Variants in EPHA5 observed in about 807,000 individuals in gnomAD.
EPHA5 encodes EPH receptor A5.
In EPHA5, 60 loss-of-function variants were observed where a neutral mutation model predicts 105.0. That is an observed-to-expected ratio of 0.57 (90% CI 0.46 to 0.71). The LOEUF is 0.71. Among genes scored for constraint, EPHA5 ranks in the 30% least tolerant of loss-of-function variants. The pLI, the probability that EPHA5 is intolerant of heterozygous loss-of-function variation, is 0.00. For synonymous variants in EPHA5, 513 were observed against 449.1 expected (o/e 1.14, Z -1.80); for missense variants, 1,218 against 1,274.7 (o/e 0.96, Z 0.68).
intron 11 of EPHA5, among the ~76,000 whole-genome samples, chr4:65,364,465 T>A (rs1348871755): frequency 6.6e-6 from 1 of 151,656 alleles, no homozygotes; most frequent in Non-Finnish European, 1.5e-5. Context: ...ATTCTAGATA[T>A]TTTTGAGAAA....
At chr4:65,586,891 A>T (rs1742176249) in intron 3 of EPHA5, among the ~76,000 whole-genome samples, 1 of 152,160 alleles carries the variant, frequency 6.6e-6, no homozygotes, top group Admixed American at 6.6e-5. Context: ...TTTCTAAAAC[A>T]GTTCTGTTCT....
chr4:65,592,361 G>T (rs1291526019), intron 3 of EPHA5, among the ~76,000 whole-genome samples: 1 of 152,054 alleles, frequency 6.6e-6, no homozygotes, highest in African/African-American at 2.4e-5. Flanking sequence ...AGTGGGATGA[G>T]GCAGGCTCTG....
At chr4:65,604,861 A>T (rs1002153589) in intron 2 of EPHA5, among the ~76,000 whole-genome samples, 4 of 152,188 alleles carry the variant, frequency 2.6e-5, no homozygotes, top group African/African-American at 9.7e-5. Context: ...AAAGGCACAG[A>T]TAGGAATCAA....
At chr4:65,640,513 C>T (rs1170465997) in intron 2 of EPHA5, among the ~76,000 whole-genome samples, 1 of 151,910 alleles carries the variant, frequency 6.6e-6, no homozygotes, top group African/African-American at 2.4e-5. Context: ...GTCTCGATCT[C>T]CTGACCTCGT....
intron 1 of EPHA5, among the ~76,000 whole-genome samples, chr4:65,644,318 A>C (rs1296535624): frequency 6.6e-6 from 1 of 151,978 alleles, no homozygotes; most frequent in African/African-American, 2.4e-5. Context: ...GTCTAGTCAA[A>C]ATACTTTAGC....
At position 65,669,695 on chromosome 4, in the gene EPHA5, G is replaced by T. The variant is rs1157593106; in HGVS notation, c.48C>A (p.Ser16Arg). The T allele has an allele frequency of 3.8e-6, 5 of 1,306,900 alleles. No homozygotes were observed. The South Asian group carries it at 9.7e-5, about 25-fold the overall frequency. The allele number at this position is 1,306,900 out of a possible 1,614,324, so 81.0% of individuals were successfully genotyped here. ...GGGTGATGGGGGTGTCGCCGCCGCC[G>T]CTTGGGGGCCGCCGGCGTCCCGCAC... is the stretch of plus-strand genomic sequence containing the variant. ...PRGAGRRRPP[S>R]GGGDTPITPA... Residue 16 changes from serine (S) to arginine (R), a missense_variant, in exon 1 of 17, where the codon AGC (serine) becomes AGA (arginine). This residue lies in a region of EPHA5 where 233 missense variants were observed against 227.5 expected (regional missense o/e 1.02). Coordinates refer to ENST00000613740, the MANE Select transcript of EPHA5 (RefSeq NM_001281766.3).
intron 8 of EPHA5, among the ~76,000 whole-genome samples, chr4:65,383,445 A>G (rs34915286): frequency 0.15 from 22,277 of 151,766 alleles, 1,949 homozygotes; most frequent in East Asian, 0.36. Flanking sequence ...CACAATCACC[A>G]CTGCTACCAC....
At chr4:65,447,869 T>A (rs1428303930) in intron 5 of EPHA5, among the ~76,000 whole-genome samples, 1 of 151,728 alleles carries the variant, frequency 6.6e-6, no homozygotes, top group Non-Finnish European at 1.5e-5. Context: ...GGAAAAGACA[T>A]GAAAGATATA....
At chr4:65,610,258 C>T (rs928406852) in intron 2 of EPHA5, among the ~76,000 whole-genome samples, 3 of 152,074 alleles carry the variant, frequency 2.0e-5, no homozygotes, top group Non-Finnish European at 2.9e-5. Flanking sequence ...AGGCCATCAT[C>T]CTAAGCAAAC....
chr4:65,484,043 G>T (rs1327960456), intron 5 of EPHA5, among the ~76,000 whole-genome samples: 1 of 152,122 alleles, frequency 6.6e-6, no homozygotes, highest in African/African-American at 2.4e-5. Context: ...TTAATTAGGT[G>T]GTGGTTCAAG....
At chr4:65,591,920 A>G (rs1742702896) in intron 3 of EPHA5, among the ~76,000 whole-genome samples, 1 of 152,184 alleles carries the variant, frequency 6.6e-6, no homozygotes, top group Non-Finnish European at 1.5e-5. Context: ...TTTTAAAAAC[A>G]TAAAAATTCT....
chr4:65,349,489 G>A (rs1271315722), intron 13 of EPHA5, among the ~76,000 whole-genome samples: 2 of 152,048 alleles, frequency 1.3e-5, no homozygotes, highest in Non-Finnish European at 2.9e-5. Context: ...GAAAGAGAAA[G>A]AGGTGAAGGT....
chr4:65,325,246 T>G (rs1007782950), intron 16 of EPHA5, among the ~76,000 whole-genome samples: 2 of 151,412 alleles, frequency 1.3e-5, no homozygotes, highest in African/African-American at 4.8e-5. Context: ...TTAATGACAT[T>G]AGACATTAGA....
At chr4:65,341,909 C>T (rs1254001545) in intron 14 of EPHA5, among the ~76,000 whole-genome samples, 1 of 151,890 alleles carries the variant, frequency 6.6e-6, no homozygotes, top group South Asian at 2.1e-4. Flanking sequence ...GGAAGCAAAC[C>T]CAGATGACAT....
chr4:65,635,177 A>T (rs1390982990), intron 2 of EPHA5, among the ~76,000 whole-genome samples: 1 of 152,110 alleles, frequency 6.6e-6, no homozygotes, highest in African/African-American at 2.4e-5. Context: ...AACAGAACAA[A>T]GCGACAATAA....
chr4:65,655,438 TA>T (rs1433200895), intron 1 of EPHA5, among the ~76,000 whole-genome samples: 2 of 152,170 alleles, frequency 1.3e-5, no homozygotes, highest in African/African-American at 4.8e-5. Flanking sequence ...TTCACTTAAC[TA>T]GAGTTAGAAG....
chr4:65,605,013 T>C (rs1744088272), intron 2 of EPHA5, among the ~76,000 whole-genome samples: 1 of 152,222 alleles, frequency 6.6e-6, no homozygotes, highest in South Asian at 2.1e-4. Context: ...GCTGTAGCTC[T>C]GCTCTTTAGG....
chr4:65,541,511 T>C lies in EPHA5; in HGVS notation c.911-45968A>G, dbSNP rs566217118. Among the ~76,000 whole-genome samples, 218 of 152,022 alleles carry C rather than the reference T, an allele frequency of 1.4e-3. 1 individual carries two copies. Among genetic ancestry groups the C allele is most frequent in the Non-Finnish European group, 2.4e-3 (165 of 67,882 alleles). On this transcript the variant is annotated intron_variant, in intron 3 of 16. Coordinates refer to ENST00000613740, the MANE Select transcript of EPHA5 (RefSeq NM_001281766.3). Reference sequence around the variant, plus strand: ...GATCAAAAGAGACAAAGAAGGGCATTACATAATGGTAAAGGAAACAATTCA... The same window carrying C: ...GATCAAAAGAGACAAAGAAGGGCATCACATAATGGTAAAGGAAACAATTCA...
chr4:65,508,876 A>G (rs1288478358), intron 3 of EPHA5, among the ~76,000 whole-genome samples: 1 of 152,156 alleles, frequency 6.6e-6, no homozygotes, highest in Non-Finnish European at 1.5e-5. Flanking sequence ...GCATATCTGT[A>G]TCTATGAATA....
Sources: allele counts gnomAD v4.1 joint callset (sites outside exome capture counted in the v4.1 genomes callset), GRCh38; gene constraint gnomAD v4.1.1; regional missense constraint gnomAD v4.1.1; transcripts MANE v1.5; gene names NCBI Gene and HGNC (gene_info 2026-07-23, HGNC 2026-07-21).